Variants in PRKAG2 observed in about 807,000 individuals in gnomAD.
The protein encoded by PRKAG2 is 5'-AMP-activated protein kinase subunit gamma-2.
In PRKAG2, 26 loss-of-function variants were observed where a neutral mutation model predicts 69.6. That is an observed-to-expected ratio of 0.37 (90% CI 0.27 to 0.52). The LOEUF (loss-of-function observed/expected upper bound fraction) is 0.52, where lower values mean the gene tolerates loss of function less well. PRKAG2 is among the 20% of genes least tolerant of loss of function. PRKAG2 has a pLI of 0.90. For synonymous variants in PRKAG2, 293 were observed against 285.0 expected (o/e 1.03, Z -0.28); for missense variants, 557 against 740.0 (o/e 0.75, Z 2.87).
intron 5 of PRKAG2, among the ~76,000 whole-genome samples, chr7:151,629,729 G>A (rs928087921): frequency 4.6e-5 from 7 of 151,932 alleles, no homozygotes; most frequent in Non-Finnish European, 8.8e-5. Context: ...GTGTTTCCAC[G>A]TACAGCGAAT....
At chr7:151,759,315 C>T (rs1445051815) in intron 3 of PRKAG2, among the ~76,000 whole-genome samples, 1 of 152,146 alleles carries the variant, frequency 6.6e-6, no homozygotes, top group African/African-American at 2.4e-5. Flanking sequence ...GCTGACTTGC[C>T]CACATAGAGC....
chr7:151,562,390 G>A (rs1248867331), intron 14 of PRKAG2, among the ~76,000 whole-genome samples: 1 of 151,922 alleles, frequency 6.6e-6, no homozygotes, highest in Non-Finnish European at 1.5e-5. Flanking sequence ...GATAGGAAGA[G>A]GGGGAAATCC....
chr7:151,703,440 C>A (rs942426183), intron 3 of PRKAG2, among the ~76,000 whole-genome samples: 6 of 152,304 alleles, frequency 3.9e-5, no homozygotes, highest in Non-Finnish European at 7.3e-5. Context: ...GTCAAGCCCT[C>A]AGTTGTCTTA....
chr7:151,721,394 G>GGGGCCAGGGCCGGGGCCA (rs1554563576), intron 3 of PRKAG2, among the ~76,000 whole-genome samples: 3 of 133,386 alleles, frequency 2.2e-5, no homozygotes, highest in African/African-American at 8.8e-5. Context: ...GGCCAGGGCC[G>GGGGCCAGGGCCGGGGCCA]GGGCCAGGGC....
At position 151,580,364 on chromosome 7, in the gene PRKAG2, C is replaced by T. The variant is rs118160950; in HGVS notation, c.865-3912G>A. Among the ~76,000 whole-genome samples the T allele has an allele frequency of 1.6e-3, 246 of 151,972 alleles. 6 individuals carry two copies. The East Asian group carries it at 0.046, about 28-fold the overall frequency. ...TCCATCTCAAAAAAAATAAAAAATA[C>T]TTAAGGAGTCCTCTGCACTGAAGGA... On this transcript the variant is annotated intron_variant, in intron 6 of 15. Transcript: ENST00000287878.
chr7:151,610,180 A>G (rs969300802), intron 5 of PRKAG2, among the ~76,000 whole-genome samples: 4 of 152,050 alleles, frequency 2.6e-5, no homozygotes, highest in Non-Finnish European at 5.9e-5. Context: ...CCTGGCTAAC[A>G]CGGTGAAACC....
At chr7:151,634,648 C>T (rs1278840930) in intron 4 of PRKAG2, among the ~76,000 whole-genome samples, 1 of 152,120 alleles carries the variant, frequency 6.6e-6, no homozygotes, top group Non-Finnish European at 1.5e-5. Context: ...AATACATAAA[C>T]ACTACCAATA....
At chr7:151,759,678 A>G (rs1422421268) in intron 3 of PRKAG2, among the ~76,000 whole-genome samples, 1 of 152,142 alleles carries the variant, frequency 6.6e-6, no homozygotes, top group Non-Finnish European at 1.5e-5. Context: ...CCCAGGCAGG[A>G]CCAACCTGCT....
rs1803810190 is a variant in PRKAG2, at chr7:151,556,447, A to C, written c.*754T>G. On this transcript the variant is annotated 3_prime_UTR_variant, in exon 16 of 16. Coordinates refer to ENST00000287878, the MANE Select transcript of PRKAG2 (RefSeq NM_016203.4). ...CACTTTGAGAGACCTCAGCTTTTAAAACCCAGCAGCGGCTATTTCAGAAGT... is the reference window on the plus strand; with the variant it reads ...CACTTTGAGAGACCTCAGCTTTTAACACCCAGCAGCGGCTATTTCAGAAGT... The C allele has an allele frequency of 6.5e-6, 1 of 152,692 alleles. No individual in the cohort carries two copies. Among genetic ancestry groups the C allele is most frequent in the Non-Finnish European group, 1.5e-5 (1 of 68,058 alleles). The allele number at this position is 152,692 out of a possible 1,614,324, so 9.5% of individuals were successfully genotyped here. A position where few individuals can be genotyped will look rare whatever the true frequency, so the allele number is the denominator to read the frequency against.
At chr7:151,613,337 T>G (rs1819315956) in intron 5 of PRKAG2, among the ~76,000 whole-genome samples, 1 of 152,190 alleles carries the variant, frequency 6.6e-6, no homozygotes, top group African/African-American at 2.4e-5. Flanking sequence ...AATCCAAATT[T>G]TTTTGAGCAT....
chr7:151,684,112 G>A (rs1834307520), intron 3 of PRKAG2, among the ~76,000 whole-genome samples: 1 of 152,176 alleles, frequency 6.6e-6, no homozygotes, highest in East Asian at 1.9e-4. Context: ...GGCAGTGCAG[G>A]CAACTGCAGG....
At chr7:151,561,314 T>C (rs1320409570) in intron 14 of PRKAG2, among the ~76,000 whole-genome samples, 1 of 152,244 alleles carries the variant, frequency 6.6e-6, no homozygotes, top group Non-Finnish European at 1.5e-5. Flanking sequence ...TTTTAATTTC[T>C]AAAAGTTGTA....
chr7:151,660,364 A>G (rs1830130643), intron 4 of PRKAG2, among the ~76,000 whole-genome samples: 1 of 152,192 alleles, frequency 6.6e-6, no homozygotes, highest in Admixed American at 6.5e-5. Context: ...CCCTGGTACT[A>G]AAGTACTGTA....
At chr7:151,676,360 C>T (rs756053725) in intron 3 of PRKAG2, among the ~76,000 whole-genome samples, 1 of 151,608 alleles carries the variant, frequency 6.6e-6, no homozygotes, top group African/African-American at 2.4e-5. Context: ...GACTTCACTG[C>T]GAAGATAAAT....
intron 4 of PRKAG2, among the ~76,000 whole-genome samples, chr7:151,647,321 G>A (rs935137730): frequency 1.3e-5 from 2 of 152,202 alleles, no homozygotes; most frequent in African/African-American, 4.8e-5. Context: ...CTGCTGCTTT[G>A]CAGCCAGAAA....
chr7:151,759,879 T>A (rs1402424745), intron 3 of PRKAG2, among the ~76,000 whole-genome samples: 1 of 152,158 alleles, frequency 6.6e-6, no homozygotes. Flanking sequence ...AAAATAAAGG[T>A]GAAAAGGCAT....
At position 151,583,394 on chromosome 7, in the gene PRKAG2, T is replaced by C. The variant is rs947098355; in HGVS notation, c.865-6942A>G. Among the ~76,000 whole-genome samples the C allele has an allele frequency of 6.6e-6, 1 of 152,112 alleles. No individual in the cohort carries two copies. Among genetic ancestry groups the C allele is most frequent in the Non-Finnish European group, 1.5e-5 (1 of 68,016 alleles). ...CATCCTTCAGAGATCTCATATAATA[T>C]TCCAAACGGACATGATACTCGTACA... On this transcript the variant is annotated intron_variant, in intron 6 of 15. Coordinates refer to ENST00000287878, the MANE Select transcript of PRKAG2 (RefSeq NM_016203.4). This position sits in a 1 kb window ranked among gnomAD's most constrained non-coding sequence, Gnocchi z 4.1.
chr7:151,726,582 G>A (rs930969078), intron 3 of PRKAG2, among the ~76,000 whole-genome samples: 1 of 152,150 alleles, frequency 6.6e-6, no homozygotes, highest in Admixed American at 6.5e-5. Flanking sequence ...ACGGACGCAG[G>A]AGTCGTTGTC....
intron 6 of PRKAG2, among the ~76,000 whole-genome samples, chr7:151,586,578 A>G (rs2538039): frequency 0.54 from 82,410 of 152,058 alleles, 23,162 homozygotes; most frequent in East Asian, 0.81. Context: ...GATGTGGTTC[A>G]TGCTGACAGG....
Sources: gnomAD v4.1 joint callset for allele counts (sites outside exome capture counted in the v4.1 genomes callset) on GRCh38, gnomAD v4.1.1 for gene constraint, Gnocchi (gnomAD v3.1) non-coding constraint, MANE v1.5 for transcripts, NCBI Gene and HGNC (gene_info 2026-07-23, HGNC 2026-07-21) for gene names.